Variants in KALRN observed in about 807,000 individuals in gnomAD.
KALRN encodes kalirin RhoGEF kinase, also known as kalirin.
Under a neutral mutation model 353.7 loss-of-function variants are expected in KALRN, and 70 were observed. That is an observed-to-expected ratio of 0.20 (90% CI 0.16 to 0.24). The LOEUF (loss-of-function observed/expected upper bound fraction) is 0.24, where lower values mean the gene tolerates loss of function less well. Among genes scored for constraint, KALRN ranks in the 10% least tolerant of loss-of-function variants. KALRN has a pLI of 1.00. For synonymous variants in KALRN, 1,391 were observed against 1,434.8 expected (o/e 0.97, Z 0.69); for missense variants, 2,791 against 3,756.7 (o/e 0.74, Z 6.72).
chr3:124,588,029 G>C (rs972892392), intron 34 of KALRN, among the ~76,000 whole-genome samples: 3 of 137,372 alleles, frequency 2.2e-5, no homozygotes, highest in Non-Finnish European at 5.0e-5. Flanking sequence ...CAGAAAGCAG[G>C]TTTGATGAAA....
intron 1 of KALRN, among the ~76,000 whole-genome samples, chr3:124,187,541 C>G (rs2074380256): frequency 6.6e-6 from 1 of 152,208 alleles, no homozygotes; most frequent in South Asian, 2.1e-4. Context: ...ACCTAAGTTT[C>G]TATTCCCCTG....
intron 1 of KALRN, among the ~76,000 whole-genome samples, chr3:124,048,028 A>G (rs943879087): frequency 1.6e-4 from 25 of 152,174 alleles, no homozygotes; most frequent in African/African-American, 5.6e-4. Context: ...TTATTGAATT[A>G]AGATGAAAAA....
intron 1 of KALRN, among the ~76,000 whole-genome samples, chr3:124,040,881 G>T (rs907983354): frequency 5.3e-5 from 8 of 152,204 alleles, no homozygotes; most frequent in African/African-American, 1.9e-4. Flanking sequence ...TGCTAGGCAG[G>T]ACTTTTGACA....
chr3:124,314,708 A>T (rs75119130), intron 6 of KALRN, among the ~76,000 whole-genome samples: 263 of 152,286 alleles, frequency 1.7e-3, no homozygotes, highest in African/African-American at 5.8e-3. Flanking sequence ...CTAGGCTGGC[A>T]TGCAGTGGCA....
At chr3:124,389,553 C>T (rs1391498959) in intron 11 of KALRN, among the ~76,000 whole-genome samples, 1 of 152,178 alleles carries the variant, frequency 6.6e-6, no homozygotes, top group African/African-American at 2.4e-5. Flanking sequence ...CAGTGTTAGT[C>T]ATAATCTTGA....
intron 1 of KALRN, among the ~76,000 whole-genome samples, chr3:124,092,580 A>G (rs2061182485): frequency 6.6e-6 from 1 of 152,312 alleles, no homozygotes; most frequent in East Asian, 1.9e-4. Flanking sequence ...GGTTCCTGTT[A>G]GGAAACAGCA....
chr3:124,187,961 C>T (rs1446196170), intron 1 of KALRN, among the ~76,000 whole-genome samples: 1 of 152,106 alleles, frequency 6.6e-6, no homozygotes, highest in African/African-American at 2.4e-5. Flanking sequence ...AGTCCTCAAC[C>T]CTGACTGCAA....
intron 5 of KALRN, among the ~76,000 whole-genome samples, chr3:124,296,157 G>A (rs2076828053): frequency 6.6e-6 from 1 of 152,164 alleles, no homozygotes; most frequent in African/African-American, 2.4e-5. Flanking sequence ...AGTTGTTACA[G>A]CCCTGATGTC....
intron 1 of KALRN, among the ~76,000 whole-genome samples, chr3:124,066,178 G>A (rs1415037827): frequency 2.0e-5 from 3 of 152,186 alleles, no homozygotes; most frequent in African/African-American, 7.2e-5. Flanking sequence ...TTGCTCATCT[G>A]TGCTCAGAAC....
chr3:124,550,727 C>T (rs2070394718), intron 33 of KALRN, among the ~76,000 whole-genome samples: 1 of 152,132 alleles, frequency 6.6e-6, no homozygotes, highest in East Asian at 1.9e-4. Context: ...CAGTGGCTCA[C>T]GCCTGTAATC....
intron 33 of KALRN, among the ~76,000 whole-genome samples, chr3:124,537,063 A>C (rs537305599): frequency 1.7e-4 from 26 of 152,234 alleles, no homozygotes; most frequent in Admixed American, 1.6e-3. Context: ...TTTTTTTAAG[A>C]TAGAGTCTCA....
At chr3:124,601,268 CAGTA>C (rs956800925) in intron 34 of KALRN, among the ~76,000 whole-genome samples, 3 of 152,216 alleles carry the variant, frequency 2.0e-5, no homozygotes, top group Middle Eastern at 3.2e-3. Flanking sequence ...GGAATGCACT[CAGTA>C]AGTGTTAGCT....
intron 3 of KALRN, among the ~76,000 whole-genome samples, chr3:124,249,721 C>A (rs1380461452): frequency 6.6e-6 from 1 of 152,164 alleles, no homozygotes; most frequent in Non-Finnish European, 1.5e-5. Context: ...GCTAGTTATG[C>A]ATGGGGGCAG....
At chr3:124,061,882 G>A (rs1460128134) in intron 1 of KALRN, among the ~76,000 whole-genome samples, 1 of 152,148 alleles carries the variant, frequency 6.6e-6, no homozygotes, top group Non-Finnish European at 1.5e-5. Flanking sequence ...ACATTCTATG[G>A]CACAAGTGCT....
chr3:124,375,508 G>A (rs1347088727), intron 10 of KALRN, among the ~76,000 whole-genome samples: 4 of 152,186 alleles, frequency 2.6e-5, no homozygotes, highest in African/African-American at 9.6e-5. Flanking sequence ...GCTAGGTGGG[G>A]AGAGGTCAGG....
At chr3:124,176,617 C>T (rs1920609) in intron 1 of KALRN, among the ~76,000 whole-genome samples, 42,249 of 151,998 alleles carry the variant, frequency 0.28, 6,458 homozygotes, top group East Asian at 0.47. Flanking sequence ...CTAGGAGTCC[C>T]GGCTCCAACT....
intron 1 of KALRN, among the ~76,000 whole-genome samples, chr3:124,039,822 G>C (rs1050561463): frequency 6.6e-6 from 1 of 151,838 alleles, no homozygotes; most frequent in African/African-American, 2.4e-5. Flanking sequence ...GTGTAAACAC[G>C]ATGCTTAATT....
rs149759180 is a variant in KALRN at position 124,627,871 on chromosome 3, T to C, written c.5183-4549T>C. Among the ~76,000 whole-genome samples, 803 of 152,306 alleles carry C rather than the reference T, an allele frequency of 5.3e-3. 5 individuals carry two copies. The highest frequency in any genetic ancestry group is 0.018 in the African/African-American group (762 of 41,564). Reference sequence around the variant, plus strand: ...TTCCTTAAAGAGATGCCAACCAAGTTAGTCGAGCTCCTAATATTCCCTGAG... The same window carrying C: ...TTCCTTAAAGAGATGCCAACCAAGTCAGTCGAGCTCCTAATATTCCCTGAG... On this transcript the variant is annotated intron_variant, in intron 34 of 59. Transcript: ENST00000682506.
intron 34 of KALRN, among the ~76,000 whole-genome samples, chr3:124,576,162 C>T (rs991761988): frequency 6.6e-6 from 1 of 151,784 alleles, no homozygotes; most frequent in African/African-American, 2.4e-5. Context: ...TTCCCTAACT[C>T]CCACCCTCTC....
Sources: allele counts gnomAD v4.1 joint callset (sites outside exome capture counted in the v4.1 genomes callset), GRCh38; gene constraint gnomAD v4.1.1; transcripts MANE v1.5; gene names NCBI Gene and HGNC (gene_info 2026-07-23, HGNC 2026-07-21).